The following KRT73 variants were observed in gnomAD, a reference collection of about 807,000 sequenced individuals.
The protein encoded by KRT73 is keratin, type II cytoskeletal 73.
A neutral mutation model predicts 47.2 loss-of-function variants in KRT73; 44 were observed. The ratio of observed to expected loss-of-function variants is 0.93; its 90% confidence interval spans 0.73 to 1.20. The LOEUF is 1.20. Ranked by LOEUF, KRT73 falls within the 50% of genes most tolerant of loss-of-function variation. The pLI is 0.00. For missense variants in KRT73, 713 were observed against 704.5 expected, an observed-to-expected ratio of 1.01 and a Z score of -0.14; for synonymous variants, 285 against 291.3, an observed-to-expected ratio of 0.98 and a Z score of 0.22.
intron 6 of KRT73, 166 bp downstream of exon 6, chr12:52,611,038 A>G (rs951242906): frequency 1.3e-5 from 13 of 1,005,644 alleles, no homozygotes; most frequent in African/African-American, 1.6e-5. Context: ...ATAATCTGCA[A>G]TTGTTCCAAA....
Position 52,618,534 on chromosome 12 carries a change from G to C in KRT73, c.-10C>G. 1 of 1,585,986 alleles carries C rather than the reference G, an allele frequency of 6.3e-7. No individual in the cohort carries two copies. The highest frequency in any genetic ancestry group is 8.6e-7 in the Non-Finnish European group (1 of 1,166,600). On this transcript the variant is annotated 5_prime_UTR_variant, in exon 1 of 9. Coordinates refer to ENST00000305748, the MANE Select transcript of KRT73 (RefSeq NM_175068.3). ...TGAATTGGCGGCTCATGGTGGGGAG[G>C]CCAGAAAGTGGGGATAAGATGCTGA...
upstream of KRT73, among the ~76,000 whole-genome samples, chr12:52,621,586 G>T (rs1940907950): frequency 6.6e-6 from 1 of 152,122 alleles, no homozygotes. Context: ...AAGAAGGCAG[G>T]AATCTGGAAA....
intron 7 of KRT73, 87 bp downstream of exon 7, chr12:52,610,528 C>CGGGGGGGGGGGGGGGG: frequency 3.2e-6 from 1 of 310,072 alleles, no homozygotes; most frequent in Non-Finnish European, 6.5e-6. Context: ...GCCAGCTCGC[C>CGGGGGGGGGGGGGGGG]GCCCCCTCCC....
Position 52,608,563 on chromosome 12 carries a change from A to C in KRT73, c.1367-111T>G, listed in dbSNP as rs186683820. The C allele has an allele frequency of 3.5e-3, 3,261 of 929,734 alleles. 10 individuals carry two copies. Among genetic ancestry groups the C allele is most frequent in the Non-Finnish European group, 4.3e-3 (2,793 of 646,750 alleles). The allele number at this position is 929,734 out of a possible 1,614,324, so 57.6% of individuals were successfully genotyped here. A position where few individuals can be genotyped will look rare whatever the true frequency, so the allele number is the denominator to read the frequency against. On this transcript the variant is annotated intron_variant, in intron 8 of 8. Transcript: ENST00000305748. ...AGCTTAAATACCTCCTTCTTAAGCAAACACTTCCCATCAACCATGAACTTG... is the reference window on the plus strand; with the variant it reads ...AGCTTAAATACCTCCTTCTTAAGCACACACTTCCCATCAACCATGAACTTG...
chr12:52,613,848 GT>G lies in KRT73; in HGVS notation c.823del (p.Thr275LeufsTer60). On this transcript the variant is annotated frameshift_variant, in exon 5 of 9. Coordinates refer to ENST00000305748, the MANE Select transcript of KRT73 (RefSeq NM_175068.3). LOFTEE classifies it high-confidence loss of function. ...GCTGATGTGGGACTGGATCTGAGCA[GT>G]CTCCTGCAGGGGAAACAAGGAAGCA... ...KFFKCLYEGE[T>X]AQIQSHISDT... 1.2e-6 allele frequency: 2 copies of G among 1,613,576 alleles called. No individual in the cohort carries two copies. Among genetic ancestry groups the G allele is most frequent in the Non-Finnish European group, 1.7e-6 (2 of 1,179,650 alleles).
At chr12:52,614,825 T>C in intron 3 of KRT73, 151 bp from the exon 4 acceptor site, 1 of 611,304 alleles carries the variant, frequency 1.6e-6, no homozygotes. Context: ...ACAACTTCAC[T>C]GTCAGACTCA....
In KRT73 at chr12:52,608,464, G is replaced by A. The variant is rs747925303; in HGVS notation, c.1367-12C>T. 1.0e-5 allele frequency: 16 copies of A among 1,600,002 alleles called. No individual in the cohort carries two copies. The South Asian group carries it at 1.6e-4, about 16-fold the overall frequency. On this transcript the variant is annotated splice_polypyrimidine_tract_variant and intron_variant, in intron 8 of 8. Transcript: ENST00000305748. Reference sequence around the variant, plus strand: ...GCTGTTGATGACCGCTGCAGAGGAGGGAGGGACGAGTGATCAGTGTATATC... The same window carrying A: ...GCTGTTGATGACCGCTGCAGAGGAGAGAGGGACGAGTGATCAGTGTATATC...
chr12:52,611,135 G>A (rs1188474822), intron 6 of KRT73, 69 bp downstream of exon 6: 1 of 1,567,352 alleles, frequency 6.4e-7, no homozygotes, highest in African/African-American at 1.4e-5. Flanking sequence ...AGAGAAGGAG[G>A]GGGCAGGGGG....
At chr12:52,612,314 C>A (rs574993915) in intron 5 of KRT73, 36 of 152,330 alleles carry the variant, frequency 2.4e-4, no homozygotes, top group African/African-American at 7.7e-4. Flanking sequence ...GGGATTATTT[C>A]TGTCTTTGTT....
At chr12:52,624,729 A>G in the KRT73 span, among the ~76,000 whole-genome samples, 2 of 151,876 alleles carry the variant, frequency 1.3e-5, no homozygotes, top group African/African-American at 2.4e-5. Context: ...TCACATTTGG[A>G]GGTAATGGGA....
the KRT73 span, among the ~76,000 whole-genome samples, chr12:52,630,515 G>A: frequency 6.6e-6 from 1 of 152,170 alleles, no homozygotes; most frequent in Non-Finnish European, 1.5e-5. Flanking sequence ...GGCAGTGAGT[G>A]GATCACGAGA....
upstream of KRT73, among the ~76,000 whole-genome samples, chr12:52,621,250 G>C: frequency 7.2e-6 from 1 of 139,738 alleles, no homozygotes; most frequent in African/African-American, 2.6e-5. Context: ...CCAGACACTA[G>C]GGCAAGAGTT....
chr12:52,613,976 A>C, intron 4 of KRT73, 124 bp from the exon 5 acceptor site: 1 of 1,427,696 alleles, frequency 7.0e-7, no homozygotes, highest in South Asian at 1.4e-5. Context: ...CACTTCCCAA[A>C]GCTTGTAAGA....
chr12:52,609,288 G>A lies in KRT73; in HGVS notation c.1332-7C>T, dbSNP rs767827033. On this transcript the variant is annotated splice_region_variant and splice_polypyrimidine_tract_variant and intron_variant, in intron 7 of 8. Transcript: ENST00000305748. ...GGTATATTCTCCGGACATCCTGCAA[G>A]AGAGAAAAGCACAGGAGAGTCTGAA... The A allele has an allele frequency of 6.2e-7, 1 of 1,613,142 alleles. No homozygotes were observed. The highest frequency in any genetic ancestry group is 1.7e-5 in the Admixed American group (1 of 60,024).
At chr12:52,612,304 G>A (rs1473358956) in intron 5 of KRT73, 3 of 152,192 alleles carry the variant, frequency 2.0e-5, no homozygotes, top group Non-Finnish European at 2.9e-5. Context: ...CTACTAATTC[G>A]GGATTATTTC....
upstream of KRT73, among the ~76,000 whole-genome samples, chr12:52,622,699 C>T (rs187564721): frequency 1.5e-3 from 230 of 152,304 alleles, 1 homozygote; most frequent in Admixed American, 5.6e-3. Flanking sequence ...AGTCCCAGCT[C>T]CTCTTTCCAC....
chr12:52,616,961 C>G (rs145327653), intron 1 of KRT73, among the ~76,000 whole-genome samples: 2,298 of 152,312 alleles, frequency 0.015, 28 homozygotes, highest in Middle Eastern at 0.024. Context: ...CAAGTTGCAA[C>G]CTACAAATAT....
At chr12:52,621,295 G>A (rs866147952), upstream of KRT73, among the ~76,000 whole-genome samples, 5 of 138,828 alleles carry the variant, frequency 3.6e-5, no homozygotes, top group South Asian at 2.6e-4. Context: ...AAGAAAGGGG[G>A]GGGGGGGGAG....
chr12:52,610,139 G>A (rs1208008489), intron 7 of KRT73: 1 of 180,742 alleles, frequency 5.5e-6, no homozygotes, highest in Non-Finnish European at 1.2e-5. Flanking sequence ...ACAGTAGCAG[G>A]ATCTCAGCTC....
Sources: gnomAD v4.1 joint callset for allele counts (sites outside exome capture counted in the v4.1 genomes callset) on GRCh38, gnomAD v4.1.1 for gene constraint, MANE v1.5 for transcripts, NCBI Gene and HGNC (gene_info 2026-07-23, HGNC 2026-07-21) for gene names.